FHIT: variants seen among roughly 807,000 people sequenced by gnomAD.
FHIT encodes the protein fragile histidine triad diadenosine triphosphatase, also known as bis(5'-adenosyl)-triphosphatase.
A neutral mutation model predicts 17.9 loss-of-function variants in FHIT; 19 were observed. That is an observed-to-expected ratio of 1.06 (90% CI 0.74 to 1.56). The LOEUF is 1.56. FHIT is among the 40% of genes most tolerant of loss of function. The pLI, the probability that FHIT is intolerant of heterozygous loss-of-function variation, is 0.00. For missense variants in FHIT, 248 were observed against 189.2 expected, an observed-to-expected ratio of 1.31 and a Z score of -1.82; for synonymous variants, 81 against 69.7, an observed-to-expected ratio of 1.16 and a Z score of -0.81.
intron 4 of FHIT, among the ~76,000 whole-genome samples, chr3:60,543,086 C>CGCACATTTTT (rs1375805378): frequency 2.0e-5 from 3 of 152,080 alleles, no homozygotes; most frequent in Admixed American, 6.5e-5. Context: ...GAACAAAGGT[C>CGCACATTTTT]GCACATTTTT....
chr3:61,147,663 T>TA (rs34665072), intron 2 of FHIT, among the ~76,000 whole-genome samples: 2 of 151,540 alleles, frequency 1.3e-5, no homozygotes, highest in Non-Finnish European at 1.5e-5. Flanking sequence ...TATGAAAATA[T>TA]AAAAAAATAA....
chr3:59,995,940 C>A (rs574472519), intron 7 of FHIT, among the ~76,000 whole-genome samples: 4 of 152,180 alleles, frequency 2.6e-5, no homozygotes, highest in Non-Finnish European at 5.9e-5. Context: ...ATCAGCCTTT[C>A]CTTCACACAG....
intron 4 of FHIT, among the ~76,000 whole-genome samples, chr3:60,699,868 G>A (rs1553701632): frequency 6.6e-6 from 1 of 151,804 alleles, no homozygotes; most frequent in Non-Finnish European, 1.5e-5. Context: ...CATACGCCAG[G>A]TACAGTGGTT....
At chr3:60,248,097 T>C (rs752770154) in intron 5 of FHIT, among the ~76,000 whole-genome samples, 5 of 152,156 alleles carry the variant, frequency 3.3e-5, no homozygotes, top group African/African-American at 4.8e-5. Flanking sequence ...CATTCTTCAG[T>C]GCATTGCTCT....
intron 5 of FHIT, among the ~76,000 whole-genome samples, chr3:60,342,854 A>G (rs1312692680): frequency 6.6e-6 from 1 of 152,182 alleles, no homozygotes; most frequent in Non-Finnish European, 1.5e-5. Context: ...CTTTTTAAGC[A>G]AGTTCTATCA....
intron 5 of FHIT, among the ~76,000 whole-genome samples, chr3:60,320,387 T>C (rs563275296): frequency 6.6e-6 from 1 of 151,972 alleles, no homozygotes; most frequent in Non-Finnish European, 1.5e-5. Flanking sequence ...GTGCCAGAAG[T>C]AAACCAAAAA....
intron 4 of FHIT, among the ~76,000 whole-genome samples, chr3:60,540,174 A>T (rs550642326): frequency 6.6e-6 from 1 of 152,134 alleles, no homozygotes; most frequent in Non-Finnish European, 1.5e-5. Context: ...TGGATAGCTG[A>T]ACACGCAGAA....
intron 4 of FHIT, among the ~76,000 whole-genome samples, chr3:60,773,108 G>A (rs1294502005): frequency 6.6e-6 from 1 of 152,102 alleles, no homozygotes; most frequent in Admixed American, 6.6e-5. Context: ...CATGGTCTCT[G>A]TTTGTGTAGC....
intron 5 of FHIT, among the ~76,000 whole-genome samples, chr3:60,251,239 G>A (rs145994979): frequency 0.014 from 2,189 of 152,282 alleles, 42 homozygotes; most frequent in African/African-American, 0.051. Flanking sequence ...TAGCACTTGA[G>A]TATCATATAG....
intron 5 of FHIT, among the ~76,000 whole-genome samples, chr3:60,021,032 A>C (rs1700535266): frequency 6.6e-6 from 1 of 152,226 alleles, no homozygotes; most frequent in South Asian, 2.1e-4. Context: ...TTCATGGGAT[A>C]TTCATCAACC....
chr3:61,229,307 T>C (rs1409826086), intron 1 of FHIT, among the ~76,000 whole-genome samples: 2 of 152,190 alleles, frequency 1.3e-5, no homozygotes, highest in Non-Finnish European at 2.9e-5. Flanking sequence ...CAAACAGTTA[T>C]GTGGGTGCAA....
At chr3:59,845,118 A>G (rs975371258) in intron 8 of FHIT, among the ~76,000 whole-genome samples, 1 of 152,070 alleles carries the variant, frequency 6.6e-6, no homozygotes, top group Non-Finnish European at 1.5e-5. Flanking sequence ...ATTTCTGTAG[A>G]CTTGATAGCA....
At chr3:60,776,681 C>T (rs1375122405) in intron 4 of FHIT, among the ~76,000 whole-genome samples, 1 of 152,176 alleles carries the variant, frequency 6.6e-6, no homozygotes, top group Non-Finnish European at 1.5e-5. Context: ...ATTAAAGCAA[C>T]TTAACAAGTT....
chr3:60,978,426 G>A lies in FHIT; in HGVS notation c.-111+63621C>T, dbSNP rs535830550. Among the ~76,000 whole-genome samples the A allele has an allele frequency of 1.7e-4, 26 of 152,308 alleles. No individual in the cohort carries two copies. The East Asian group carries it at 3.9e-3, about 23-fold the overall frequency. ...GCCTCAGGGTTAGTCTTTGAGCCTGGGGCAGTGGCCTATCCTGGGCCTTTT... is the reference window on the plus strand; with the variant it reads ...GCCTCAGGGTTAGTCTTTGAGCCTGAGGCAGTGGCCTATCCTGGGCCTTTT... On this transcript the variant is annotated intron_variant, in intron 3 of 9. Transcript: ENST00000492590.
chr3:59,818,514 T>C (rs766881182), intron 8 of FHIT, among the ~76,000 whole-genome samples: 4 of 98,232 alleles, frequency 4.1e-5, no homozygotes, highest in Non-Finnish European at 9.8e-5. Flanking sequence ...TAAATAATAG[T>C]CCAGGAGGTA....
chr3:60,710,530 G>C (rs539705962), intron 4 of FHIT, among the ~76,000 whole-genome samples: 2 of 152,342 alleles, frequency 1.3e-5, no homozygotes, highest in African/African-American at 2.4e-5. Flanking sequence ...AAGGAAAGGG[G>C]TGACAGACGG....
rs183129418 is a variant in FHIT, at chr3:59,752,253, G to A, written c.417C>T (p.Ala139=). The A allele has an allele frequency of 8.7e-6, 14 of 1,612,934 alleles. No homozygotes were observed. The highest frequency in any genetic ancestry group is 6.7e-5 in the East Asian group (3 of 44,792). ...WRSEEEMAAE[A]AALRVYFQ Reference sequence around the variant, plus strand: ...ACTGAAAGTAGACCCGCAGAGCTGCGGCTTCTGCTGCCATTTCCTCCTCTG... The same window carrying A: ...ACTGAAAGTAGACCCGCAGAGCTGCAGCTTCTGCTGCCATTTCCTCCTCTG... The change falls in exon 9 of 10, where the codon GCC becomes GCT. Residue 139 remains alanine, a synonymous_variant. Transcript: ENST00000492590.
At chr3:60,830,777 AG>A (rs1559755602) in intron 3 of FHIT, among the ~76,000 whole-genome samples, 1 of 152,204 alleles carries the variant, frequency 6.6e-6, no homozygotes, top group Admixed American at 6.5e-5. Flanking sequence ...TCGATATTAG[AG>A]CAAAGTAGAG....
rs1480258110 is a variant in FHIT, at chr3:61,155,444, T to C, written c.-164+45173A>G. ...GCCCTCTCCATGCCTAGTCAACACC[T>C]ACTATTCTTTCTTGTTTCTTTTTTT... is the stretch of plus-strand genomic sequence containing the variant. On this transcript the variant is annotated intron_variant, in intron 2 of 9. Transcript: ENST00000492590. 5.9e-5 allele frequency among the ~76,000 whole-genome samples: 9 copies of C among 152,286 alleles called. No individual in the cohort carries two copies. In the East Asian group the frequency reaches 1.5e-3, roughly 26 times the overall value.
Sources: allele counts gnomAD v4.1 joint callset (sites outside exome capture counted in the v4.1 genomes callset), GRCh38; gene constraint gnomAD v4.1.1; transcripts MANE v1.5; gene names NCBI Gene and HGNC (gene_info 2026-07-23, HGNC 2026-07-21).